Variants in CACNG3 observed in about 807,000 individuals in gnomAD.
CACNG3 encodes the protein voltage-dependent calcium channel gamma-3 subunit.
Under a neutral mutation model 28.5 loss-of-function variants are expected in CACNG3, and 3 were observed. The observed-to-expected ratio is 0.11, with a 90% CI of 0.05 to 0.27. CACNG3 has a LOEUF of 0.27. Ranked by LOEUF, CACNG3 falls within the 10% of genes least tolerant of loss-of-function variation. The pLI is 1.00. For missense variants in CACNG3, 236 were observed against 414.4 expected, an observed-to-expected ratio of 0.57 and a Z score of 3.74; for synonymous variants, 174 against 162.2, an observed-to-expected ratio of 1.07 and a Z score of -0.55.
intron 1 of CACNG3, among the ~76,000 whole-genome samples, chr16:24,343,338 G>A (rs866254187): frequency 1.3e-5 from 2 of 152,092 alleles, no homozygotes; most frequent in East Asian, 1.9e-4. Context: ...ATGTAGTTCC[G>A]AATTCCCTCA....
chr16:24,337,162 TC>T (rs1209925906), intron 1 of CACNG3, among the ~76,000 whole-genome samples: 2 of 152,070 alleles, frequency 1.3e-5, no homozygotes, highest in African/African-American at 2.4e-5. Context: ...GAGCATTCAG[TC>T]CATTGCACAA....
intron 1 of CACNG3, among the ~76,000 whole-genome samples, chr16:24,269,479 C>T (rs527950622): frequency 3.5e-4 from 54 of 152,138 alleles, no homozygotes; most frequent in African/African-American, 1.2e-3. Context: ...CAGCCGAGTG[C>T]GGTGGCTCAC....
intron 1 of CACNG3, among the ~76,000 whole-genome samples, chr16:24,333,953 C>T (rs1417053397): frequency 6.6e-6 from 1 of 152,172 alleles, no homozygotes; most frequent in Non-Finnish European, 1.5e-5. Flanking sequence ...TTTCAAGCTT[C>T]CCTTCCCAAA....
chr16:24,323,914 C>A lies in CACNG3; in HGVS notation c.212-22820C>A, dbSNP rs142076640. ...TCCCGATGAGCTGGGATTACAGGTG[C>A]ACACCACCACACCAGGCTAATTTGT... On this transcript the variant is annotated intron_variant, in intron 1 of 3. Transcript: ENST00000005284. 4.6e-5 allele frequency among the ~76,000 whole-genome samples: 7 copies of A among 152,258 alleles called. No homozygotes were observed. The East Asian group carries it at 1.4e-3, about 29-fold the overall frequency.
chr16:24,256,678 G>A lies in CACNG3; in HGVS notation c.-77G>A, dbSNP rs1056338928. Reference sequence around the variant, plus strand: ...TGGAAGAGCCTGTACTAGGTTACCCGGCTGCAGAGTGATTTTCCCCTCCGG... The same window carrying A: ...TGGAAGAGCCTGTACTAGGTTACCCAGCTGCAGAGTGATTTTCCCCTCCGG... On this transcript the variant is annotated 5_prime_UTR_variant, in exon 1 of 4. Coordinates refer to ENST00000005284, the MANE Select transcript of CACNG3 (RefSeq NM_006539.4). The surrounding 1 kb of genome is among the most constrained non-coding windows in gnomAD (Gnocchi z 4.6). 15 of 958,930 alleles carry A rather than the reference G, an allele frequency of 1.6e-5. No individual in the cohort carries two copies. The highest frequency in any genetic ancestry group is 2.6e-5 in the Non-Finnish European group (15 of 586,048). The allele number at this position is 958,930 out of a possible 1,614,324, so 59.4% of individuals were successfully genotyped here. A position where few individuals can be genotyped will look rare whatever the true frequency, so the allele number is the denominator to read the frequency against.
chr16:24,262,519 C>T (rs796259174), intron 1 of CACNG3, among the ~76,000 whole-genome samples: 1 of 152,218 alleles, frequency 6.6e-6, no homozygotes, highest in African/African-American at 2.4e-5. Context: ...ACCAACTCCC[C>T]ACCACCACTG....
chr16:24,304,250 T>C (rs750154501), intron 1 of CACNG3, among the ~76,000 whole-genome samples: 19 of 152,224 alleles, frequency 1.2e-4, no homozygotes, highest in Admixed American at 3.3e-4. Flanking sequence ...TGGGAAAAAA[T>C]AGATTTTTTT....
chr16:24,341,271 T>C (rs1174233973), intron 1 of CACNG3, among the ~76,000 whole-genome samples: 1 of 152,264 alleles, frequency 6.6e-6, no homozygotes, highest in Non-Finnish European at 1.5e-5. Context: ...CCAAGCTCAC[T>C]TTGTGATGCA....
chr16:24,348,589 G>A (rs1024365879), intron 2 of CACNG3, among the ~76,000 whole-genome samples: 4 of 152,090 alleles, frequency 2.6e-5, no homozygotes, highest in South Asian at 2.1e-4. Context: ...AAGGACTTGC[G>A]TTACTCAGAT....
At chr16:24,294,189 A>C (rs1236549634) in intron 1 of CACNG3, among the ~76,000 whole-genome samples, 1 of 152,212 alleles carries the variant, frequency 6.6e-6, no homozygotes, top group Non-Finnish European at 1.5e-5. Flanking sequence ...CTTATCTGCA[A>C]ACTCTTAGCT....
At chr16:24,334,824 C>T (rs930789436) in intron 1 of CACNG3, among the ~76,000 whole-genome samples, 21 of 152,242 alleles carry the variant, frequency 1.4e-4, no homozygotes, top group Non-Finnish European at 1.8e-4. Context: ...TCCTGGGGCT[C>T]CTTGCCTGGG....
chr16:24,301,605 T>C (rs566580225), intron 1 of CACNG3, among the ~76,000 whole-genome samples: 6 of 152,318 alleles, frequency 3.9e-5, no homozygotes, highest in African/African-American at 1.4e-4. Context: ...ATTGTTTCTT[T>C]TGCTTTTCTG....
At chr16:24,274,498 GCAGGGAATCACT>G (rs1421699220) in intron 1 of CACNG3, among the ~76,000 whole-genome samples, 1 of 152,176 alleles carries the variant, frequency 6.6e-6, no homozygotes, top group Non-Finnish European at 1.5e-5. Context: ...TCCACCAACA[GCAGGGAATCACT>G]CAGGTCATGG....
chr16:24,315,983 T>C (rs1287715530), intron 1 of CACNG3, among the ~76,000 whole-genome samples: 1 of 152,076 alleles, frequency 6.6e-6, no homozygotes, highest in Non-Finnish European at 1.5e-5. Context: ...ATAACACTTA[T>C]TGAGCATGTA....
At chr16:24,305,320 ATGTG>A (rs57584370) in intron 1 of CACNG3, among the ~76,000 whole-genome samples, 8,043 of 136,050 alleles carry the variant, frequency 0.059, 246 homozygotes, top group African/African-American at 0.07. Flanking sequence ...ATACATAAAT[ATGTG>A]TGTGTGTGTG....
At chr16:24,357,908 G>T (rs1900055890) in intron 3 of CACNG3, among the ~76,000 whole-genome samples, 1 of 152,210 alleles carries the variant, frequency 6.6e-6, no homozygotes, top group African/African-American at 2.4e-5. Flanking sequence ...AAGAGGTATT[G>T]TGAGGGATGG....
intron 2 of CACNG3, among the ~76,000 whole-genome samples, chr16:24,348,682 A>C (rs1053241521): frequency 6.6e-6 from 1 of 152,126 alleles, no homozygotes; most frequent in Non-Finnish European, 1.5e-5. Flanking sequence ...ACACTTAGAG[A>C]TGTAGCTTAA....
At chr16:24,350,026 C>T (rs187618694) in intron 2 of CACNG3, among the ~76,000 whole-genome samples, 12 of 151,322 alleles carry the variant, frequency 7.9e-5, no homozygotes, top group African/African-American at 2.2e-4. Flanking sequence ...TAACTTAGCT[C>T]CATATAGTTT....
chr16:24,354,788 G>A (rs1454880702), intron 2 of CACNG3, 45 bp from the exon 3 acceptor site: 9 of 1,597,358 alleles, frequency 5.6e-6, no homozygotes, highest in East Asian at 2.2e-5. Flanking sequence ...AGGACCCCAG[G>A]GGCTGGCTGG....
Sources: gnomAD v4.1 joint callset for allele counts (sites outside exome capture counted in the v4.1 genomes callset) on GRCh38, gnomAD v4.1.1 for gene constraint, Gnocchi (gnomAD v3.1) non-coding constraint, MANE v1.5 for transcripts, NCBI Gene and HGNC (gene_info 2026-07-23, HGNC 2026-07-21) for gene names.